The following LMLN variants were observed in gnomAD, a reference collection of about 807,000 sequenced individuals.
LMLN encodes the protein leishmanolysin like peptidase.
Under a neutral mutation model 92.3 loss-of-function variants are expected in LMLN, and 70 were observed. The ratio of observed to expected loss-of-function variants is 0.76; its 90% CI spans 0.63 to 0.92. The LOEUF (loss-of-function observed/expected upper bound fraction) is 0.92. LMLN is among the 40% of genes least tolerant of loss of function. The probability of loss-of-function intolerance (pLI) is 0.00; values close to 1 mark genes in which losing one functional copy is unlikely to be tolerated. For missense variants in LMLN, 691 were observed against 814.6 expected (o/e 0.85, Z 1.85); for synonymous variants, 308 against 296.2 (o/e 1.04, Z -0.41).
intron 13 of LMLN, among the ~76,000 whole-genome samples, 195 bp downstream of exon 14, chr3:198,021,800 T>TA (rs1722791551): frequency 6.6e-6 from 1 of 152,178 alleles, no homozygotes. Context: ...AGGCAATACT[T>TA]AGAGAGTTGT....
exon 16 of LMLN, chr3:198,043,638 T>A (rs1371070102): frequency 6.6e-6 from 1 of 152,610 alleles, no homozygotes; most frequent in Non-Finnish European, 1.5e-5. Context: ...AATAGAAGAT[T>A]TAAGAACTAA....
intron 8 of LMLN, among the ~76,000 whole-genome samples, chr3:197,986,739 C>T (rs1470317800): frequency 1.3e-5 from 2 of 151,610 alleles, no homozygotes; most frequent in African/African-American, 4.8e-5. Flanking sequence ...AACGTGATAA[C>T]AAATACAACA....
exon 16 of LMLN, chr3:198,040,574 C>A (rs1723375411): frequency 6.9e-6 from 1 of 144,156 alleles, no homozygotes; most frequent in Non-Finnish European, 1.5e-5. Flanking sequence ...CGGACAGACT[C>A]CTCCTATTCC....
At chr3:198,020,768 A>ATTGTTTTTTTTT (rs1722756549) in intron 12 of LMLN, among the ~76,000 whole-genome samples, 14 of 32,870 alleles carry the variant, frequency 4.3e-4, no homozygotes, top group African/African-American at 6.0e-4. Context: ...TAATTTTTGT[A>ATTGTTTTTTTTT]TTTTTTTTTT....
chr3:197,998,646 A>G (rs1722091467), intron 10 of LMLN, among the ~76,000 whole-genome samples: 1 of 152,214 alleles, frequency 6.6e-6, no homozygotes, highest in Admixed American at 6.5e-5. Flanking sequence ...GAACACTCAG[A>G]ACTGTCCAAA....
rs142314423 is a variant in LMLN at position 197,967,398 on chromosome 3, C to T, written c.219+6958C>T. ...GTAGGACCGTGATGCCCGCCTGAGC[C>T]GCAAAAGCAGCAGGTTTTTATTAAG... On this transcript the variant is annotated intron_variant, in intron 1 of 15. Transcript: ENST00000330198. Among the ~76,000 whole-genome samples the T allele has an allele frequency of 2.2e-3, 334 of 152,178 alleles. 1 individual carries two copies. Among genetic ancestry groups the T allele is most frequent in the Middle Eastern group, 6.8e-3 (2 of 294 alleles).
intron 15 of LMLN, chr3:198,038,209 A>T (rs1440555946): frequency 4.4e-6 from 1 of 226,348 alleles, no homozygotes; most frequent in Non-Finnish European, 8.8e-6. Context: ...TTGATAAATT[A>T]TATGGTCACC....
At chr3:198,032,863 G>C (rs1161167746) in intron 14 of LMLN, among the ~76,000 whole-genome samples, 1 of 152,208 alleles carries the variant, frequency 6.6e-6, no homozygotes, top group African/African-American at 2.4e-5. Context: ...TGGTCCAGCT[G>C]GTCGCAGTGA....
At chr3:197,963,201 C>CTTTT (rs59827521) in intron 1 of LMLN, among the ~76,000 whole-genome samples, 3 of 144,030 alleles carry the variant, frequency 2.1e-5, no homozygotes, top group African/African-American at 2.6e-5. Context: ...TTTTCTCTCT[C>CTTTT]TTTTTTTTTT....
intron 8 of LMLN, among the ~76,000 whole-genome samples, chr3:197,989,841 T>C (rs1427763903): frequency 6.6e-6 from 1 of 152,152 alleles, no homozygotes; most frequent in Non-Finnish European, 1.5e-5. Flanking sequence ...TGGCAAAACA[T>C]AGCAGATCTT....
chr3:197,972,416 T>G (rs1221536638), intron 1 of LMLN, among the ~76,000 whole-genome samples: 4 of 152,190 alleles, frequency 2.6e-5, no homozygotes, highest in Admixed American at 2.6e-4. Context: ...GAATTTCCAT[T>G]TGGCTCTTTT....
At chr3:197,979,129 A>G (rs1043122715) in intron 5 of LMLN, among the ~76,000 whole-genome samples, 1 of 152,170 alleles carries the variant, frequency 6.6e-6, no homozygotes, top group Admixed American at 6.6e-5. Flanking sequence ...TTTGACCAAC[A>G]TCTCCTCAGC....
At chr3:197,978,501 G>A (rs1721467085) in intron 5 of LMLN, among the ~76,000 whole-genome samples, 1 of 152,136 alleles carries the variant, frequency 6.6e-6, no homozygotes, top group Non-Finnish European at 1.5e-5. Context: ...GCCAGGATTG[G>A]TGGTGTGCAC....
At chr3:197,998,524 A>T (rs1304623182) in intron 10 of LMLN, among the ~76,000 whole-genome samples, 4 of 152,208 alleles carry the variant, frequency 2.6e-5, no homozygotes, top group African/African-American at 9.6e-5. Context: ...TGACAGTAGT[A>T]ATTTCATTAA....
chr3:198,032,647 C>T (rs569521152), intron 14 of LMLN, among the ~76,000 whole-genome samples: 62 of 151,996 alleles, frequency 4.1e-4, no homozygotes, highest in Non-Finnish European at 7.4e-4. Flanking sequence ...AGAGCGGGAA[C>T]GAGAGAGGAG....
At chr3:198,012,329 TGTTG>T (rs1477925485) in intron 11 of LMLN, among the ~76,000 whole-genome samples, 1 of 152,222 alleles carries the variant, frequency 6.6e-6, no homozygotes, top group Admixed American at 6.5e-5. Flanking sequence ...CTTCCCAATG[TGTTG>T]GGATTACAGG....
At chr3:197,963,528 CTT>C (rs1202158292) in intron 1 of LMLN, among the ~76,000 whole-genome samples, 1 of 152,108 alleles carries the variant, frequency 6.6e-6, no homozygotes, top group Non-Finnish European at 1.5e-5. Flanking sequence ...TTTCCTAAGT[CTT>C]TTATTTTTTG....
At chr3:198,033,046 G>C (rs566932207) in intron 14 of LMLN, among the ~76,000 whole-genome samples, 1 of 152,254 alleles carries the variant, frequency 6.6e-6, no homozygotes, top group South Asian at 2.1e-4. Flanking sequence ...CAGCTTTCCT[G>C]AGTCTGTTAT....
intron 2 of LMLN, 122 bp from the exon 3 acceptor site, chr3:197,974,919 TG>T: frequency 1.4e-6 from 1 of 690,754 alleles, no homozygotes; most frequent in Non-Finnish European, 2.6e-6. Flanking sequence ...AATAAAAGAA[TG>T]GCTGCTCCAT....
Sources: gnomAD v4.1 joint callset for allele counts (sites outside exome capture counted in the v4.1 genomes callset) on GRCh38, gnomAD v4.1.1 for gene constraint, MANE v1.5 for transcripts, NCBI Gene and HGNC (gene_info 2026-07-23, HGNC 2026-07-21) for gene names.